Variants in ZNF652 observed in about 807,000 individuals in gnomAD.
ZNF652 encodes zinc finger protein 652.
ZNF652 carries 16 observed loss-of-function variants against 45.2 expected under a neutral mutation model. The ratio of observed to expected loss-of-function variants is 0.35; its 90% CI spans 0.24 to 0.54. The LOEUF (loss-of-function observed/expected upper bound fraction) is 0.54. Among genes scored for constraint, ZNF652 ranks in the 20% least tolerant of loss-of-function variants. The pLI is 0.91. For synonymous variants in ZNF652, 250 were observed against 260.6 expected (o/e 0.96, Z 0.39); for missense variants, 614 against 765.6 (o/e 0.80, Z 2.34).
In ZNF652 at chr17:49,298,397, A is replaced by T. The variant is rs749617614; in HGVS notation, c.*16T>A. 3.7e-6 allele frequency: 6 copies of T among 1,612,064 alleles called. No homozygotes were observed. Among genetic ancestry groups the T allele is most frequent in the Non-Finnish European group, 5.1e-6 (6 of 1,179,938 alleles). ...TGGGGACGTGTCTCCTGGAGAACAC[A>T]CTAAGGAGACGGATGTTAATGATGC... is the stretch of plus-strand genomic sequence containing the variant. On this transcript the variant is annotated 3_prime_UTR_variant, in exon 6 of 6. Coordinates refer to ENST00000430262, the MANE Select transcript of ZNF652 (RefSeq NM_001145365.3).
At position 49,312,014 on chromosome 17, in the gene ZNF652, G is replaced by C; in HGVS notation, c.1077C>G (p.Cys359Trp). 6.2e-7 allele frequency: 1 copy of C among 1,613,762 alleles called. No individual in the cohort carries two copies. The highest frequency in any genetic ancestry group is 8.5e-7 in the Non-Finnish European group (1 of 1,179,722). Residue 359 changes from cysteine (C) to tryptophan (W), a missense_variant, in exon 4 of 6, where the codon TGC becomes TGG. Physicochemically the swap from Cys to Trp is radical, Grantham distance 215. Around this residue, in one of 5 missense-constraint regions of ZNF652, gnomAD observed 262 missense variants for 306.3 expected, o/e 0.86. Coordinates refer to ENST00000430262, the MANE Select transcript of ZNF652 (RefSeq NM_001145365.3). ...GTTTGAATGATTTTCCACAGGTTTC[G>C]CATGTAAATGGCATGTCTTTTGTGT... ...VAHTKDMPFT[C>W]ETCGKSFKRS...
intron 1 of ZNF652, among the ~76,000 whole-genome samples, chr17:49,321,226 T>C (rs915829211): frequency 1.3e-5 from 2 of 152,088 alleles, no homozygotes; most frequent in Admixed American, 1.3e-4. Flanking sequence ...TCCCCTAAGA[T>C]GACCTACTGG....
At chr17:49,314,414 C>A (rs1432441453) in intron 2 of ZNF652, among the ~76,000 whole-genome samples, 2 of 152,098 alleles carry the variant, frequency 1.3e-5, no homozygotes, top group African/African-American at 4.8e-5. Flanking sequence ...CCCGCCTCAG[C>A]CTCCCAAAGT....
In ZNF652 at chr17:49,311,935, T is replaced by G; in HGVS notation, c.1156A>C (p.Arg386=). 6.2e-7 allele frequency: 1 copy of G among 1,612,910 alleles called. No individual in the cohort carries two copies. The highest frequency in any genetic ancestry group is 8.5e-7 in the Non-Finnish European group (1 of 1,179,102). ...SLQHSGEKPF[R]CENCDERFQY... is the part of the protein sequence containing the mutation. The stretch of plus-strand genomic sequence containing the variant: ...GGTAGCACATTCCTTACCTCGCATC[T>G]AAAGGGCTTCTCTCCAGAATGCTGC... The change falls in exon 4 of 6, where the codon AGA becomes CGA. Residue 386 remains arginine, a synonymous_variant. Coordinates refer to ENST00000430262, the MANE Select transcript of ZNF652 (RefSeq NM_001145365.3).
chr17:49,307,586 CAAAA>C (rs35063586), intron 5 of ZNF652, among the ~76,000 whole-genome samples: 1 of 123,572 alleles, frequency 8.1e-6, no homozygotes. Context: ...ACTAAAAATA[CAAAA>C]AAAAAAAAAA....
At chr17:49,303,887 CT>C (rs891788616) in intron 5 of ZNF652, among the ~76,000 whole-genome samples, 3 of 149,998 alleles carry the variant, frequency 2.0e-5, no homozygotes, top group Non-Finnish European at 1.5e-5. Flanking sequence ...TTGCAGTCTT[CT>C]TTTTTTTTGT....
At chr17:49,336,037 T>G (rs895803248) in intron 1 of ZNF652, among the ~76,000 whole-genome samples, 4 of 152,072 alleles carry the variant, frequency 2.6e-5, no homozygotes, top group African/African-American at 9.7e-5. Flanking sequence ...TTTTTTTTTT[T>G]GTTTTGATAC....
At chr17:49,361,564 G>A (rs530210303) in intron 1 of ZNF652, among the ~76,000 whole-genome samples, 1 of 152,214 alleles carries the variant, frequency 6.6e-6, no homozygotes, top group Non-Finnish European at 1.5e-5. Context: ...GAGGACCGGT[G>A]CAAACCTCCT....
At chr17:49,316,711 G>T in intron 2 of ZNF652, 115 bp downstream of exon 2, 3 of 1,081,580 alleles carry the variant, frequency 2.8e-6, no homozygotes, top group African/African-American at 1.6e-5. Context: ...ATGATAAATT[G>T]GTGAAAACTG....
rs1245282626 is a variant in ZNF652, at chr17:49,293,670, A to C, written c.*4743T>G. Among the ~76,000 whole-genome samples, 1 of 138,782 alleles carries C rather than the reference A, an allele frequency of 7.2e-6. No individual in the cohort carries two copies. Among genetic ancestry groups the C allele is most frequent in the Non-Finnish European group, 1.5e-5 (1 of 66,980 alleles). 91.0% of individuals were successfully genotyped at this position (138,782 alleles called of 152,430 possible). ...CTTTCATTCCTAAAAAAAAAAAAAA[A>C]AAAAAAAAAAAAAAACTCTTAAGTA... On this transcript the variant is annotated 3_prime_UTR_variant, in exon 6 of 6. Transcript: ENST00000430262.
At chr17:49,356,099 T>C (rs2070333360) in intron 1 of ZNF652, among the ~76,000 whole-genome samples, 1 of 151,534 alleles carries the variant, frequency 6.6e-6, no homozygotes, top group Non-Finnish European at 1.5e-5. Context: ...GAAATTATTT[T>C]CCCCCACCAA....
In ZNF652 at chr17:49,294,018, C is replaced by G. The variant is rs756050899; in HGVS notation, c.*4395G>C. Among the ~76,000 whole-genome samples the G allele has an allele frequency of 3.4e-4, 52 of 152,048 alleles. 1 individual carries two copies. The highest frequency in any genetic ancestry group is 3.1e-4 in the Non-Finnish European group (21 of 67,998). ...GACCTATCATTCTGTGTTTTACTAACTGAAACCTGCAAGATGGGGTAAATA... is the reference window on the plus strand; with the variant it reads ...GACCTATCATTCTGTGTTTTACTAAGTGAAACCTGCAAGATGGGGTAAATA... On this transcript the variant is annotated 3_prime_UTR_variant, in exon 6 of 6. Transcript: ENST00000430262.
rs1261597117 is a variant in ZNF652 at position 49,297,618 on chromosome 17, A to G, written c.*795T>C. On this transcript the variant is annotated 3_prime_UTR_variant, in exon 6 of 6. Coordinates refer to ENST00000430262, the MANE Select transcript of ZNF652 (RefSeq NM_001145365.3). ...AGTAACCTGGTCTGGAGACCCTCTC[A>G]GATACATCTAGTCTCTGAAGCACCT... 8 of 152,668 alleles carry G rather than the reference A, an allele frequency of 5.2e-5. No individual in the cohort carries two copies. The highest frequency in any genetic ancestry group is 1.9e-4 in the African/African-American group (8 of 41,460). 9.5% of individuals were successfully genotyped at this position (152,668 alleles called of 1,614,324 possible).
intron 1 of ZNF652, among the ~76,000 whole-genome samples, chr17:49,336,174 G>A (rs1251793012): frequency 2.6e-5 from 4 of 151,460 alleles, no homozygotes; most frequent in South Asian, 2.1e-4. Context: ...ACAGGCACGC[G>A]CCACCATGCC....
At chr17:49,301,709 C>T (rs540391719) in intron 5 of ZNF652, among the ~76,000 whole-genome samples, 2 of 152,240 alleles carry the variant, frequency 1.3e-5, no homozygotes, top group South Asian at 2.1e-4. Flanking sequence ...TCTTTTTAAT[C>T]GATTTCCTCT....
At chr17:49,326,804 C>A (rs2069960768) in intron 1 of ZNF652, among the ~76,000 whole-genome samples, 1 of 152,156 alleles carries the variant, frequency 6.6e-6, no homozygotes, top group African/African-American at 2.4e-5. Context: ...TTGGGGGCAG[C>A]AGATCACTTG....
chr17:49,344,417 AG>A (rs144202373), intron 1 of ZNF652, among the ~76,000 whole-genome samples: 11,040 of 152,072 alleles, frequency 0.073, 470 homozygotes, highest in Middle Eastern at 0.14. Context: ...GTTGAAGAAA[AG>A]ATTTTAATTA....
intron 5 of ZNF652, among the ~76,000 whole-genome samples, chr17:49,300,715 C>A (rs1334652827): frequency 6.6e-6 from 1 of 152,168 alleles, no homozygotes; most frequent in African/African-American, 2.4e-5. Context: ...GCGTTGCTGT[C>A]ACTTCCCTTG....
chr17:49,313,055 A>T (rs571575131), intron 2 of ZNF652, among the ~76,000 whole-genome samples: 1 of 152,254 alleles, frequency 6.6e-6, no homozygotes, highest in Non-Finnish European at 1.5e-5. Flanking sequence ...GGGAGTATGA[A>T]AACAATGGCA....
Sources: gnomAD v4.1 joint callset for allele counts (sites outside exome capture counted in the v4.1 genomes callset) on GRCh38, gnomAD v4.1.1 for gene constraint, gnomAD v4.1.1 regional missense constraint, MANE v1.5 for transcripts, NCBI Gene and HGNC (gene_info 2026-07-23, HGNC 2026-07-21) for gene names.